The following SHANK2 variants were observed in gnomAD, a reference collection of about 807,000 sequenced individuals.
SHANK2 encodes the protein SH3 and multiple ankyrin repeat domains protein 2.
Under a neutral mutation model 133.7 loss-of-function variants are expected in SHANK2, and 43 were observed. That is an observed-to-expected ratio of 0.32 (90% CI 0.25 to 0.41). The LOEUF (loss-of-function observed/expected upper bound fraction) is 0.41. Ranked by LOEUF, SHANK2 falls within the 10% of genes least tolerant of loss-of-function variation. The probability of loss-of-function intolerance (pLI) is 1.00; values close to 1 mark genes in which losing one functional copy is unlikely to be tolerated. For missense variants in SHANK2, 1,994 were observed against 2,235.8 expected, an observed-to-expected ratio of 0.89 and a Z score of 2.18; for synonymous variants, 1,017 against 952.8, an observed-to-expected ratio of 1.07 and a Z score of -1.24.
chr11:70,508,770 T>G lies in SHANK2; in HGVS notation c.2062-5839A>C, dbSNP rs1259633371. Among the ~76,000 whole-genome samples, 7 of 152,248 alleles carry G rather than the reference T, an allele frequency of 4.6e-5. No individual in the cohort carries two copies. In the East Asian group the frequency reaches 1.4e-3, roughly 29 times the overall value. ...CAGGTGTACTGGTGTGTGCCTGTGG[T>G]CCCAGCTACTTGGGAGGCTGAGGCA... On this transcript the variant is annotated intron_variant, in intron 17 of 25. Coordinates refer to ENST00000601538, the MANE Select transcript of SHANK2 (RefSeq NM_012309.5).
Position 70,471,252 on chromosome 11 carries a change from C to G in SHANK2, c.*1617G>C, listed in dbSNP as rs1336314760. On this transcript the variant is annotated 3_prime_UTR_variant, in exon 26 of 26. Transcript: ENST00000601538. The surrounding 1 kb of genome is among the most constrained non-coding windows in gnomAD (Gnocchi z 4.1). ...ATTCTAGAGCTGTTCCAGACCTAAT[C>G]AAGAAAAAAAGGAAAAAAAAAAAAC... 1.0e-5 allele frequency: 4 copies of G among 382,526 alleles called. No individual in the cohort carries two copies. The highest frequency in any genetic ancestry group is 9.5e-5 in the Admixed American group (2 of 21,002). 23.7% of individuals were successfully genotyped at this position (382,526 alleles called of 1,614,324 possible).
At chr11:70,501,105 C>T (rs533134610) in intron 20 of SHANK2, among the ~76,000 whole-genome samples, 2 of 151,854 alleles carry the variant, frequency 1.3e-5, no homozygotes, top group East Asian at 3.9e-4. Flanking sequence ...GTCACCTCCT[C>T]CGTCGCCTGT....
chr11:70,796,844 G>A (rs1555049236), intron 14 of SHANK2, among the ~76,000 whole-genome samples: 1 of 152,180 alleles, frequency 6.6e-6, no homozygotes, highest in African/African-American at 2.4e-5. Flanking sequence ...CTTGGCTTCT[G>A]AAGAACCTCT....
At chr11:70,874,780 C>T (rs551775279) in intron 11 of SHANK2, among the ~76,000 whole-genome samples, 1 of 151,708 alleles carries the variant, frequency 6.6e-6, no homozygotes, top group East Asian at 1.9e-4. Context: ...AGAATGACAG[C>T]ACTGAAGGAA....
Position 71,237,649 on chromosome 11 carries a change from C to T in SHANK2, c.-112-12853G>A, listed in dbSNP as rs113762621. 4.1e-4 allele frequency among the ~76,000 whole-genome samples: 62 copies of T among 152,272 alleles called. No homozygotes were observed. The South Asian group carries it at 0.012, about 29-fold the overall frequency. Reference sequence around the variant, plus strand: ...CATCGTGGCACTTACAGGGAGGTTCCGGCAAAGCAGGAGTTAATCCTGTTT... The same window carrying T: ...CATCGTGGCACTTACAGGGAGGTTCTGGCAAAGCAGGAGTTAATCCTGTTT... On this transcript the variant is annotated intron_variant, in intron 1 of 25. Transcript: ENST00000601538.
At position 71,175,545 on chromosome 11, in the gene SHANK2, GGA is replaced by G. The variant is rs1185600541; in HGVS notation, c.-12-28209_-12-28208del. ...GACAGACAGACAGACAGAGGGAGAGGGAGAGGGAGAGAGAGAGAGAGAGAGAG... is the reference window on the plus strand; with the variant it reads ...GACAGACAGACAGACAGAGGGAGAGGGAGGGAGAGAGAGAGAGAGAGAGAG... On this transcript the variant is annotated intron_variant, in intron 2 of 25. Coordinates refer to ENST00000601538, the MANE Select transcript of SHANK2 (RefSeq NM_012309.5). The surrounding 1 kb of genome is among the most constrained non-coding windows in gnomAD (Gnocchi z 4.2). Among the ~76,000 whole-genome samples, 32 of 79,358 alleles carry G rather than the reference GGA, an allele frequency of 4.0e-4. No homozygotes were observed. Among genetic ancestry groups the G allele is most frequent in the South Asian group, 2.1e-3 (4 of 1,878 alleles). 52.1% of individuals were successfully genotyped at this position (79,358 alleles called of 152,430 possible).
intron 11 of SHANK2, among the ~76,000 whole-genome samples, chr11:70,869,544 T>G (rs782605837): frequency 6.6e-6 from 1 of 152,244 alleles, no homozygotes; most frequent in Non-Finnish European, 1.5e-5. Context: ...TGGCAGGCTG[T>G]CTGTCCCACC....
At chr11:71,083,731 C>A (rs933387450) in intron 8 of SHANK2, among the ~76,000 whole-genome samples, 1 of 152,204 alleles carries the variant, frequency 6.6e-6, no homozygotes, top group Non-Finnish European at 1.5e-5. Flanking sequence ...GACCACACCC[C>A]CTGTGGCCAG....
At chr11:71,062,929 C>T (rs1313359785) in intron 9 of SHANK2, among the ~76,000 whole-genome samples, 10 of 139,898 alleles carry the variant, frequency 7.1e-5, no homozygotes, top group Non-Finnish European at 1.1e-4. Flanking sequence ...CCCAAGAGGT[C>T]GTGGCTGCAG....
chr11:70,922,783 T>C (rs991641081), intron 10 of SHANK2, among the ~76,000 whole-genome samples: 3 of 152,108 alleles, frequency 2.0e-5, no homozygotes, highest in Admixed American at 6.5e-5. Context: ...GAGCAAGTAA[T>C]AAAGAACAGG....
chr11:70,839,919 C>T (rs782590304), intron 11 of SHANK2, among the ~76,000 whole-genome samples: 6 of 152,182 alleles, frequency 3.9e-5, no homozygotes, highest in Non-Finnish European at 1.5e-5. Flanking sequence ...ATATCAGGCA[C>T]CACATCTGCA....
At chr11:70,636,609 G>C (rs1555004240) in intron 17 of SHANK2, among the ~76,000 whole-genome samples, 1 of 151,866 alleles carries the variant, frequency 6.6e-6, no homozygotes, top group African/African-American at 2.4e-5. Context: ...ATGAGTGTGT[G>C]TATGCGAGCA....
At chr11:71,220,203 C>T (rs1269879531) in intron 2 of SHANK2, among the ~76,000 whole-genome samples, 3 of 152,184 alleles carry the variant, frequency 2.0e-5, no homozygotes, top group African/African-American at 7.2e-5. Flanking sequence ...CCACTGCAAT[C>T]CAGCCTGGGT....
chr11:70,497,917 G>T (rs1393867849), intron 21 of SHANK2, among the ~76,000 whole-genome samples: 2 of 152,252 alleles, frequency 1.3e-5, no homozygotes, highest in Non-Finnish European at 2.9e-5. Flanking sequence ...TTTGCCTGTG[G>T]CCACACAATA....
chr11:70,637,279 G>A (rs1414410699), intron 17 of SHANK2, among the ~76,000 whole-genome samples: 1 of 152,138 alleles, frequency 6.6e-6, no homozygotes, highest in Non-Finnish European at 1.5e-5. Context: ...TGAGGGCAGG[G>A]CCTGCTCTTC....
At position 71,073,151 on chromosome 11, in the gene SHANK2, TTTTTCTTTTTTTTC is replaced by T. The variant is rs1449904009; in HGVS notation, c.1029+1994_1029+2007del. Among the ~76,000 whole-genome samples the T allele has an allele frequency of 2.1e-4, 7 of 33,066 alleles. 1 individual carries two copies. Among genetic ancestry groups the T allele is most frequent in the East Asian group, 1.5e-3 (2 of 1,320 alleles). The allele number at this position is 33,066 out of a possible 152,430, so 21.7% of individuals were successfully genotyped here. A position where few individuals can be genotyped will look rare whatever the true frequency, so the allele number is the denominator to read the frequency against. Reference sequence around the variant, plus strand: ...TGTTTTTTTTCTTTTTCTTTTCTTTTTTTTCTTTTTTTTCTTTTTTTTTTTGAGATAGAGTCTTG... The same window carrying T: ...TGTTTTTTTTCTTTTTCTTTTCTTTTTTTTTTTTTTTGAGATAGAGTCTTG... On this transcript the variant is annotated intron_variant, in intron 9 of 25. Transcript: ENST00000601538.
At chr11:70,821,152 A>C (rs1313230774) in intron 11 of SHANK2, among the ~76,000 whole-genome samples, 1 of 152,182 alleles carries the variant, frequency 6.6e-6, no homozygotes, top group Non-Finnish European at 1.5e-5. Flanking sequence ...CCCAGTTTTC[A>C]AAATGTGCCA....
At chr11:70,583,935 C>T (rs557866153) in intron 17 of SHANK2, among the ~76,000 whole-genome samples, 1 of 152,224 alleles carries the variant, frequency 6.6e-6, no homozygotes, top group African/African-American at 2.4e-5. Flanking sequence ...CCACTCTCTG[C>T]AGCTTGCTCA....
At chr11:70,684,476 C>T (rs1555019055) in intron 15 of SHANK2, among the ~76,000 whole-genome samples, 1 of 152,124 alleles carries the variant, frequency 6.6e-6, no homozygotes, top group Non-Finnish European at 1.5e-5. Context: ...GGGAGGATCA[C>T]TTGAGCCCAG....
Sources: allele counts gnomAD v4.1 joint callset (sites outside exome capture counted in the v4.1 genomes callset), GRCh38; gene constraint gnomAD v4.1.1; non-coding constraint Gnocchi (gnomAD v3.1); transcripts MANE v1.5; gene names NCBI Gene and HGNC (gene_info 2026-07-23, HGNC 2026-07-21).